TNRC6C: variants seen among roughly 807,000 people sequenced by gnomAD.
TNRC6C encodes trinucleotide repeat-containing gene 6C protein.
In TNRC6C, 20 loss-of-function variants were observed where a neutral mutation model predicts 153.7. The ratio of observed to expected loss-of-function variants is 0.13; its 90% confidence interval spans 0.09 to 0.19. TNRC6C has a LOEUF of 0.19. Among genes scored for constraint, TNRC6C ranks in the 10% least tolerant of loss-of-function variants. The probability of loss-of-function intolerance (pLI) is 1.00; values close to 1 mark genes in which losing one functional copy is unlikely to be tolerated. For synonymous variants in TNRC6C, 811 were observed against 841.4 expected, an observed-to-expected ratio of 0.96 and a Z score of 0.63; for missense variants, 1,987 against 2,172.0, an observed-to-expected ratio of 0.91 and a Z score of 1.69.
At chr17:78,005,032 CTT>C, upstream of TNRC6C, 2 of 1,205,886 alleles carry the variant, frequency 1.7e-6, no homozygotes. Flanking sequence ...TTCTTTCTTT[CTT>C]TCTCTCTCTT....
chr17:78,001,694 A>C (rs1304969741), upstream of TNRC6C, among the ~76,000 whole-genome samples: 1 of 152,202 alleles, frequency 6.6e-6, no homozygotes, highest in Non-Finnish European at 1.5e-5. Context: ...TCTTTGTAAA[A>C]ATGTTTAAGT....
chr17:77,961,286 G>A (rs906231651), intron 1 of TNRC6C, among the ~76,000 whole-genome samples: 14 of 151,898 alleles, frequency 9.2e-5, no homozygotes, highest in African/African-American at 3.1e-4. Context: ...CTCCCGAGTA[G>A]CAGGGATTAC....
intron 1 of TNRC6C, among the ~76,000 whole-genome samples, chr17:77,999,137 A>G (rs2071373316): frequency 6.6e-6 from 1 of 152,200 alleles, no homozygotes; most frequent in African/African-American, 2.4e-5. Context: ...TGAGCCCAAA[A>G]TGGTGAAGGT....
upstream of TNRC6C, among the ~76,000 whole-genome samples, chr17:78,002,620 TGGTGGCCCACACC>T (rs2071430372): frequency 1.3e-5 from 2 of 152,202 alleles, no homozygotes; most frequent in Admixed American, 1.3e-4. Flanking sequence ...AGGCTGGGTG[TGGTGGCCCACACC>T]TGTAATCCCA....
chr17:78,072,904 C>A, intron 6 of TNRC6C, 133 bp from the exon 9 acceptor site: 1 of 612,144 alleles, frequency 1.6e-6, no homozygotes, highest in South Asian at 2.3e-5. Context: ...TCTCTAACCT[C>A]AACAGTGAAG....
chr17:78,054,862 C>T (rs1387723092), intron 3 of TNRC6C, among the ~76,000 whole-genome samples: 1 of 152,040 alleles, frequency 6.6e-6, no homozygotes, highest in Non-Finnish European at 1.5e-5. Flanking sequence ...CTGTACACTA[C>T]CATACACCAC....
chr17:78,080,103 T>G (rs1353636741), intron 10 of TNRC6C, among the ~76,000 whole-genome samples: 3 of 151,814 alleles, frequency 2.0e-5, no homozygotes, highest in Non-Finnish European at 4.4e-5. Flanking sequence ...AGAGTTGGGT[T>G]TTTTTTCTTT....
intron 1 of TNRC6C, among the ~76,000 whole-genome samples, chr17:78,012,664 C>T (rs934636243): frequency 6.6e-6 from 1 of 152,078 alleles, no homozygotes; most frequent in Non-Finnish European, 1.5e-5. Flanking sequence ...ATTTCATGGC[C>T]AGTGGCGGAT....
chr17:77,977,121 A>G (rs556284858), intron 1 of TNRC6C, among the ~76,000 whole-genome samples: 60 of 152,118 alleles, frequency 3.9e-4, no homozygotes, highest in African/African-American at 1.4e-3. Flanking sequence ...TATAATGATT[A>G]CTATATATAC....
chr17:78,000,687 A>ATAACT (rs2071400405), upstream of TNRC6C, among the ~76,000 whole-genome samples: 1 of 139,584 alleles, frequency 7.2e-6, no homozygotes, highest in Non-Finnish European at 1.5e-5. Context: ...TCCAACCAGT[A>ATAACT]TAACTTCAGA....
At chr17:78,044,501 A>G (rs72894055) in intron 2 of TNRC6C, among the ~76,000 whole-genome samples, 11,993 of 152,278 alleles carry the variant, frequency 0.079, 643 homozygotes, top group East Asian at 0.18. Flanking sequence ...CAGTCACACG[A>G]TGACTCACAC....
intron 1 of TNRC6C, among the ~76,000 whole-genome samples, chr17:77,984,377 AAAAC>A (rs1157035269): frequency 6.6e-6 from 1 of 151,846 alleles, no homozygotes; most frequent in Non-Finnish European, 1.5e-5. Context: ...AACAAAAAAA[AAAAC>A]AGCCACGTGT....
chr17:78,049,773 T>C lies in TNRC6C; in HGVS notation c.711T>C (p.Ser237=). ...ATGGATCATCAGTTTCTCAAGTCAGTGGGGGCAGTGCTGAAGGAATAAGCA... is the reference window on the plus strand; with the variant it reads ...ATGGATCATCAGTTTCTCAAGTCAGCGGGGGCAGTGCTGAAGGAATAAGCA... Residue 237 remains serine, a synonymous_variant, in exon 3 of 20, where the codon AGT becomes AGC. Transcript: ENST00000301624. The surrounding 1 kb of genome is among the most constrained non-coding windows in gnomAD (Gnocchi z 4.1). 1 of 1,591,634 alleles carries C rather than the reference T, an allele frequency of 6.3e-7. No homozygotes were observed. The highest frequency in any genetic ancestry group is 8.6e-7 in the Non-Finnish European group (1 of 1,167,048).
intron 1 of TNRC6C, among the ~76,000 whole-genome samples, chr17:78,024,408 C>T (rs908234885): frequency 5.3e-5 from 8 of 151,848 alleles, no homozygotes; most frequent in African/African-American, 1.9e-4. Flanking sequence ...TCTCTGTCTC[C>T]CAGGCTGGAG....
intron 1 of TNRC6C, among the ~76,000 whole-genome samples, chr17:77,989,195 T>A (rs1039561082): frequency 1.3e-5 from 2 of 152,206 alleles, no homozygotes; most frequent in Non-Finnish European, 1.5e-5. Flanking sequence ...TGTCATGTGA[T>A]TCGAGTTGGG....
rs748745167 is a variant in TNRC6C at position 78,049,691 on chromosome 17, T to C, written c.629T>C (p.Met210Thr). Residue 210 changes from methionine to threonine, a missense_variant, in exon 3 of 20, where the codon ATG becomes ACG. Physicochemically the swap from Met to Thr is moderately conservative, Grantham distance 81. This residue lies in a region of TNRC6C where 1,052 missense variants were observed against 1,017.0 expected (regional missense o/e 1.03). Transcript: ENST00000301624. This position sits in a 1 kb window ranked among gnomAD's most constrained non-coding sequence, Gnocchi z 4.1. ...ACAAATGGACTGCCAAACTGGGGCATGGCTGTTGGTATGGGGGCCATCATC... is the reference window on the plus strand; with the variant it reads ...ACAAATGGACTGCCAAACTGGGGCACGGCTGTTGGTATGGGGGCCATCATC... 3.9e-5 allele frequency: 62 copies of C among 1,608,490 alleles called. No individual in the cohort carries two copies. Among genetic ancestry groups the C allele is most frequent in the Non-Finnish European group, 5.1e-5 (60 of 1,176,030 alleles).
intron 16 of TNRC6C, among the ~76,000 whole-genome samples, chr17:78,095,032 A>G (rs533444914): frequency 3.8e-4 from 58 of 152,330 alleles, no homozygotes; most frequent in African/African-American, 1.3e-3. Flanking sequence ...GTGGGGCACC[A>G]GGGTTGTGCC....
At chr17:78,082,158 GAC>G (rs886482597) in intron 10 of TNRC6C, among the ~76,000 whole-genome samples, 1 of 149,834 alleles carries the variant, frequency 6.7e-6, no homozygotes, top group African/African-American at 2.5e-5. Context: ...AGAAATAAAA[GAC>G]ACACACGAGA....
intron 3 of TNRC6C, among the ~76,000 whole-genome samples, chr17:78,056,313 A>G (rs1448953833): frequency 6.6e-6 from 1 of 151,072 alleles, no homozygotes; most frequent in Non-Finnish European, 1.5e-5. Flanking sequence ...GATCACCACC[A>G]TGCCTGGCTA....
Sources: gnomAD v4.1 joint callset for allele counts (sites outside exome capture counted in the v4.1 genomes callset) on GRCh38, gnomAD v4.1.1 for gene constraint, gnomAD v4.1.1 regional missense constraint, Gnocchi (gnomAD v3.1) non-coding constraint, MANE v1.5 for transcripts, NCBI Gene and HGNC (gene_info 2026-07-23, HGNC 2026-07-21) for gene names.